The following SCFD2 variants were observed in gnomAD, a reference collection of about 807,000 sequenced individuals.
The protein encoded by SCFD2 is sec1 family domain containing 2, also known as sec1 family domain-containing protein 2.
Under a neutral mutation model 58.9 loss-of-function variants are expected in SCFD2, and 54 were observed. The observed-to-expected ratio is 0.92, with a 90% CI of 0.74 to 1.15. The LOEUF is 1.15. Ranked by LOEUF, SCFD2 falls within the 50% of genes most tolerant of loss-of-function variation. The probability of loss-of-function intolerance (pLI) is 0.00; values close to 1 mark genes in which losing one functional copy is unlikely to be tolerated. For missense variants in SCFD2, 805 were observed against 836.6 expected (o/e 0.96, Z 0.47); for synonymous variants, 321 against 335.9 (o/e 0.96, Z 0.49).
intron 4 of SCFD2, among the ~76,000 whole-genome samples, chr4:53,245,955 T>C (rs968498036): frequency 1.3e-5 from 2 of 152,138 alleles, no homozygotes; most frequent in Admixed American, 6.5e-5. Flanking sequence ...GAAAACTCTA[T>C]AGTCGTGGCC....
At chr4:53,106,290 T>G (rs1724999723) in intron 5 of SCFD2, among the ~76,000 whole-genome samples, 1 of 152,046 alleles carries the variant, frequency 6.6e-6, no homozygotes, top group South Asian at 2.1e-4. Flanking sequence ...GGCTGAAAAT[T>G]CCAAAAACCA....
At chr4:53,352,872 G>T in intron 1 of SCFD2, 106 bp from the exon 2 acceptor site, 1 of 1,005,838 alleles carries the variant, frequency 9.9e-7, no homozygotes, top group Non-Finnish European at 1.5e-6. Context: ...TACATTTTTA[G>T]TTTCTGTTCA....
At chr4:53,270,862 G>C (rs1277815169) in intron 4 of SCFD2, among the ~76,000 whole-genome samples, 1 of 151,846 alleles carries the variant, frequency 6.6e-6, no homozygotes, top group Non-Finnish European at 1.5e-5. Context: ...TAAAAACTGG[G>C]GGAAAAAACA....
At chr4:52,874,837 G>A (rs560877757) in intron 8 of SCFD2, among the ~76,000 whole-genome samples, 132 of 152,226 alleles carry the variant, frequency 8.7e-4, no homozygotes, top group African/African-American at 3.0e-3. Context: ...TTCCAGTAAG[G>A]TCATATTCAC....
intron 5 of SCFD2, among the ~76,000 whole-genome samples, chr4:52,980,126 A>G (rs921972617): frequency 3.3e-5 from 5 of 152,310 alleles, no homozygotes; most frequent in African/African-American, 1.2e-4. Flanking sequence ...TTTAATGCAA[A>G]CATGGTAATG....
chr4:53,297,625 C>A (rs1732089132), intron 3 of SCFD2, among the ~76,000 whole-genome samples: 1 of 152,136 alleles, frequency 6.6e-6, no homozygotes, highest in Admixed American at 6.6e-5. Flanking sequence ...CAGTCTGTGT[C>A]TTTTAATTGG....
intron 5 of SCFD2, among the ~76,000 whole-genome samples, chr4:53,125,444 C>T (rs1725599347): frequency 1.3e-5 from 2 of 152,142 alleles, no homozygotes; most frequent in African/African-American, 4.8e-5. Flanking sequence ...TTCTCTTTTA[C>T]TAGCATTTTG....
chr4:53,362,908 G>C (rs1295451912), intron 1 of SCFD2, among the ~76,000 whole-genome samples: 1 of 152,130 alleles, frequency 6.6e-6, no homozygotes, highest in Non-Finnish European at 1.5e-5. Context: ...TCAATATGAA[G>C]GAAGGAAAAA....
In SCFD2 at chr4:53,014,767, A is replaced by T. The variant is rs142615385; in HGVS notation, c.1562-93897T>A. Among the ~76,000 whole-genome samples, 374 of 152,322 alleles carry T rather than the reference A, an allele frequency of 2.5e-3. 1 individual carries two copies. Among genetic ancestry groups the T allele is most frequent in the Non-Finnish European group, 3.9e-3 (266 of 68,026 alleles). On this transcript the variant is annotated intron_variant, in intron 5 of 8. Transcript: ENST00000401642. The stretch of plus-strand genomic sequence containing the variant: ...TAAATGCTTCTTGAATAAATACACG[A>T]GCTTGGTGGGATATACCTCAATTCT...
intron 5 of SCFD2, among the ~76,000 whole-genome samples, chr4:53,104,060 G>A (rs954299554): frequency 2.0e-5 from 3 of 152,026 alleles, no homozygotes; most frequent in Non-Finnish European, 2.9e-5. Flanking sequence ...TTATGCTGAG[G>A]TTTTATAGAT....
chr4:53,253,955 A>C (rs1031774666), intron 4 of SCFD2, among the ~76,000 whole-genome samples: 1 of 151,792 alleles, frequency 6.6e-6, no homozygotes, highest in Non-Finnish European at 1.5e-5. Context: ...ACATGGATGG[A>C]GCTGGAGGTC....
rs777113328 is a variant in SCFD2 at position 53,273,938 on chromosome 4, A to G, written c.1199T>C (p.Leu400Pro). 6.2e-7 allele frequency: 1 copy of G among 1,612,660 alleles called. No individual in the cohort carries two copies. Among genetic ancestry groups the G allele is most frequent in the East Asian group, 2.2e-5 (1 of 44,878 alleles). ...CTGGAGGAGGCCACAATGATTCATT[A>G]GAGCTTTGAGGTTGTTCTTGAAGAG... Reference protein sequence around the residue: ...IQLFKNNLKALMNHCGLLQLG... With the variant: ...IQLFKNNLKAPMNHCGLLQLG... Residue 400 changes from leucine (L) to proline (P), a missense_variant, in exon 4 of 9, where the codon CTA becomes CCA. By Grantham distance (98) the Leu-to-Pro change is moderately conservative. Coordinates refer to ENST00000401642, the MANE Select transcript of SCFD2 (RefSeq NM_152540.4).
chr4:52,897,557 G>C (rs567782598), intron 7 of SCFD2, among the ~76,000 whole-genome samples: 24 of 152,254 alleles, frequency 1.6e-4, no homozygotes, highest in African/African-American at 5.5e-4. Flanking sequence ...GATTTGGTTT[G>C]CTAGTATTTT....
At chr4:52,922,715 G>A (rs1268532684) in intron 5 of SCFD2, among the ~76,000 whole-genome samples, 6 of 152,034 alleles carry the variant, frequency 3.9e-5, no homozygotes, top group African/African-American at 1.4e-4. Context: ...ATTTCTCTTA[G>A]GTATATACCT....
chr4:53,351,427 A>G (rs1243052106), intron 2 of SCFD2, among the ~76,000 whole-genome samples: 2 of 152,252 alleles, frequency 1.3e-5, no homozygotes, highest in Admixed American at 6.5e-5. Flanking sequence ...TAGCAGATAC[A>G]TTAATCTTAA....
chr4:53,210,522 C>A (rs535043922), intron 4 of SCFD2, among the ~76,000 whole-genome samples: 9 of 152,168 alleles, frequency 5.9e-5, no homozygotes, highest in African/African-American at 2.2e-4. Flanking sequence ...AGACGAGAAT[C>A]CAGCTGTCTT....
At chr4:53,145,694 C>T in intron 4 of SCFD2, 112 bp from the exon 5 acceptor site, 1 of 927,800 alleles carries the variant, frequency 1.1e-6, no homozygotes, top group Non-Finnish European at 1.6e-6. Flanking sequence ...TATTTACTGA[C>T]TGCATCACTT....
intron 3 of SCFD2, among the ~76,000 whole-genome samples, chr4:53,298,177 A>C (rs1732116213): frequency 6.6e-6 from 1 of 152,182 alleles, no homozygotes. Flanking sequence ...GCAAGGGGTC[A>C]GGGAATTCCC....
chr4:53,010,952 G>T lies in SCFD2; in HGVS notation c.1562-90082C>A, dbSNP rs754652833. On this transcript the variant is annotated intron_variant, in intron 5 of 8. Transcript: ENST00000401642. Reference sequence around the variant, plus strand: ...AAATTCATGCCTTAAAAGACCAACGGCAAACTCTTCAAAATGCCTTCAGGA... The same window carrying T: ...AAATTCATGCCTTAAAAGACCAACGTCAAACTCTTCAAAATGCCTTCAGGA... Among the ~76,000 whole-genome samples, 9 of 152,066 alleles carry T rather than the reference G, an allele frequency of 5.9e-5. No homozygotes were observed. The South Asian group carries it at 6.2e-4, about 10-fold the overall frequency.
Sources: allele counts gnomAD v4.1 joint callset (sites outside exome capture counted in the v4.1 genomes callset), GRCh38; gene constraint gnomAD v4.1.1; transcripts MANE v1.5; gene names NCBI Gene and HGNC (gene_info 2026-07-23, HGNC 2026-07-21).